The following SEMA4D variants were observed in gnomAD, a reference collection of about 807,000 sequenced individuals.
The protein encoded by SEMA4D is semaphorin 4D.
Under a neutral mutation model 74.8 loss-of-function variants are expected in SEMA4D, and 22 were observed. That is an observed-to-expected ratio of 0.29 (90% CI 0.21 to 0.42). SEMA4D has a LOEUF of 0.42. Ranked by LOEUF, SEMA4D falls within the 10% of genes least tolerant of loss-of-function variation. SEMA4D has a pLI of 1.00. For missense variants in SEMA4D, 937 were observed against 1,118.4 expected (o/e 0.84, Z 2.31); for synonymous variants, 445 against 463.7 (o/e 0.96, Z 0.52).
At chr9:89,460,582 G>T (rs1028586816) in intron 1 of SEMA4D, among the ~76,000 whole-genome samples, 1 of 152,238 alleles carries the variant, frequency 6.6e-6, no homozygotes, top group African/African-American at 2.4e-5. Context: ...CTGGAAGACC[G>T]GTACTCACAT....
intron 2 of SEMA4D, among the ~76,000 whole-genome samples, chr9:89,425,010 G>A (rs1227658926): frequency 6.6e-6 from 1 of 152,142 alleles, no homozygotes; most frequent in Middle Eastern, 3.2e-3. Context: ...CTTGCTAGGT[G>A]TGCATTTTCC....
At chr9:89,400,187 C>G (rs1841887482) in intron 4 of SEMA4D, among the ~76,000 whole-genome samples, 1 of 152,188 alleles carries the variant, frequency 6.6e-6, no homozygotes, top group African/African-American at 2.4e-5. Context: ...TAGTAAGATC[C>G]ATGTTCCTAC....
At chr9:89,414,154 T>C (rs17529841) in intron 2 of SEMA4D, among the ~76,000 whole-genome samples, 34,167 of 152,188 alleles carry the variant, frequency 0.22, 4,291 homozygotes, top group Non-Finnish European at 0.28. Context: ...TCAGTGCTTC[T>C]GCCAGCAACA....
chr9:89,381,184 T>C lies in SEMA4D; in HGVS notation c.1609A>G (p.Ser537Gly). ...ATCVALHQTESPSRGLIQEMS... is the reference protein window; with the variant it reads ...ATCVALHQTEGPSRGLIQEMS... ...CATCCCGCCCCATACCTGCTGGGGC[T>C]CTCGGTCTGGTGCAGAGCCACGCAG... Residue 537 changes from serine (S) to glycine (G), a missense_variant, in exon 14 of 16, where the codon AGC (serine) becomes GGC (glycine). By Grantham distance (56) the Ser-to-Gly change is moderately conservative. Coordinates refer to ENST00000422704, the MANE Select transcript of SEMA4D (RefSeq NM_001371194.2). The surrounding 1 kb of genome is among the most constrained non-coding windows in gnomAD (Gnocchi z 4.6). The C allele has an allele frequency of 6.2e-7, 1 of 1,613,666 alleles. No homozygotes were observed. The highest frequency in any genetic ancestry group is 8.5e-7 in the Non-Finnish European group (1 of 1,179,648).
chr9:89,455,397 A>G (rs572928906), intron 2 of SEMA4D, among the ~76,000 whole-genome samples: 1 of 152,336 alleles, frequency 6.6e-6, no homozygotes, highest in African/African-American at 2.4e-5. Context: ...GGTGTGAGTT[A>G]GTGGACAGAA....
chr9:89,494,621 T>C (rs2136297698), intron 1 of SEMA4D, among the ~76,000 whole-genome samples: 1 of 152,358 alleles, frequency 6.6e-6, no homozygotes, highest in East Asian at 1.9e-4. Context: ...TCCAATGGCA[T>C]GTTTTACAGG....
downstream of SEMA4D, chr9:89,376,694 C>G: frequency 1.6e-6 from 2 of 1,280,972 alleles, no homozygotes; most frequent in Non-Finnish European, 2.1e-6. Flanking sequence ...TGAAACGGCT[C>G]AACCCGAGGG....
intron 2 of SEMA4D, among the ~76,000 whole-genome samples, chr9:89,421,800 C>CGTGTGTGTGT (rs150331246): frequency 6.7e-6 from 1 of 149,876 alleles, no homozygotes; most frequent in South Asian, 2.1e-4. Flanking sequence ...CGTGTGTGTG[C>CGTGTGTGTGT]GTGTGTGTGT....
At chr9:89,455,635 C>A (rs1239163804) in intron 2 of SEMA4D, among the ~76,000 whole-genome samples, 1 of 152,188 alleles carries the variant, frequency 6.6e-6, no homozygotes, top group Non-Finnish European at 1.5e-5. Context: ...CTCATTGCCT[C>A]CCCTGCCCCA....
At chr9:89,417,450 A>C (rs1845955491) in intron 2 of SEMA4D, among the ~76,000 whole-genome samples, 1 of 152,252 alleles carries the variant, frequency 6.6e-6, no homozygotes, top group Admixed American at 6.5e-5. Flanking sequence ...GACTCTTTAA[A>C]AGCCAGCAGA....
chr9:89,460,956 A>G (rs962172087), intron 1 of SEMA4D, among the ~76,000 whole-genome samples: 4 of 152,166 alleles, frequency 2.6e-5, no homozygotes, highest in African/African-American at 9.7e-5. Context: ...CACACCCCGC[A>G]GCAGAGAGAA....
At chr9:89,427,759 G>A (rs918114230) in intron 2 of SEMA4D, among the ~76,000 whole-genome samples, 1 of 152,200 alleles carries the variant, frequency 6.6e-6, no homozygotes, top group Non-Finnish European at 1.5e-5. Context: ...TCTACAGCAT[G>A]TGGGGGTTCT....
In SEMA4D at chr9:89,387,515, C is replaced by G; in HGVS notation, c.1201G>C (p.Asp401His). Residue 401 changes from aspartate (D) to histidine (H), a missense_variant, in exon 12 of 16, where the codon GAT (aspartate) becomes CAT (histidine). Transcript: ENST00000422704. ...LQFVKDHPLM[D>H]DSVTPIDNRP... ...TTGTCTATTGGGGTTACCGAGTCAT[C>G]CATCAAAGGGTGGTCTTTAACGAAC... 1 of 1,614,204 alleles carries G rather than the reference C, an allele frequency of 6.2e-7. No individual in the cohort carries two copies. Among genetic ancestry groups the G allele is most frequent in the Non-Finnish European group, 8.5e-7 (1 of 1,180,026 alleles).
At chr9:89,413,661 G>A (rs1347198369) in intron 2 of SEMA4D, among the ~76,000 whole-genome samples, 1 of 152,252 alleles carries the variant, frequency 6.6e-6, no homozygotes, top group Non-Finnish European at 1.5e-5. Context: ...GTGAGTGCAT[G>A]TGCATCTGCT....
At chr9:89,478,995 G>T (rs1862485579) in intron 1 of SEMA4D, among the ~76,000 whole-genome samples, 1 of 152,100 alleles carries the variant, frequency 6.6e-6, no homozygotes, top group African/African-American at 2.4e-5. Context: ...AATTACCAAG[G>T]GCTACAGCTA....
chr9:89,477,002 C>A (rs1465774599), intron 1 of SEMA4D, among the ~76,000 whole-genome samples: 1 of 152,142 alleles, frequency 6.6e-6, no homozygotes, highest in East Asian at 1.9e-4. Flanking sequence ...TCTCCCCAGG[C>A]CATTTCACTT....
chr9:89,398,820 C>G (rs1030831307), intron 5 of SEMA4D, among the ~76,000 whole-genome samples: 2 of 152,210 alleles, frequency 1.3e-5, no homozygotes, highest in African/African-American at 4.8e-5. Flanking sequence ...AGGTTGAGCA[C>G]AGCAGGCCGA....
intron 15 of SEMA4D, among the ~76,000 whole-genome samples, chr9:89,380,120 C>T (rs1160390044): frequency 4.6e-5 from 7 of 150,664 alleles, no homozygotes; most frequent in Non-Finnish European, 1.0e-4. Flanking sequence ...GCAGCTTCAA[C>T]CCCCCCAGCT....
intron 1 of SEMA4D, among the ~76,000 whole-genome samples, chr9:89,481,680 T>C (rs1824704982): frequency 6.6e-6 from 1 of 152,206 alleles, no homozygotes; most frequent in Non-Finnish European, 1.5e-5. Flanking sequence ...TCAAGCCAAA[T>C]GTCACAGACG....
Sources: allele counts gnomAD v4.1 joint callset (sites outside exome capture counted in the v4.1 genomes callset), GRCh38; gene constraint gnomAD v4.1.1; non-coding constraint Gnocchi (gnomAD v3.1); transcripts MANE v1.5; gene names NCBI Gene and HGNC (gene_info 2026-07-23, HGNC 2026-07-21).